NRCAM: variants seen among roughly 807,000 people sequenced by gnomAD.
NRCAM encodes neuronal cell adhesion molecule.
In NRCAM, 83 loss-of-function variants were observed where a neutral mutation model predicts 156.5. That is an observed-to-expected ratio of 0.53 (90% CI 0.44 to 0.64). NRCAM has a LOEUF of 0.64. Ranked by LOEUF, NRCAM falls within the 30% of genes least tolerant of loss-of-function variation. The pLI is 0.00. For missense variants in NRCAM, 1,417 were observed against 1,597.3 expected (o/e 0.89, Z 1.92); for synonymous variants, 538 against 563.9 (o/e 0.95, Z 0.65).
chr7:108,249,094 T>C (rs924896095), intron 3 of NRCAM, among the ~76,000 whole-genome samples: 1 of 152,192 alleles, frequency 6.6e-6, no homozygotes, highest in African/African-American at 2.4e-5. Flanking sequence ...CCTGAGCATG[T>C]GTGTTGGGGA....
intron 3 of NRCAM, among the ~76,000 whole-genome samples, chr7:108,259,520 T>C (rs1317679712): frequency 6.6e-6 from 1 of 152,142 alleles, no homozygotes; most frequent in Non-Finnish European, 1.5e-5. Context: ...TAGAAATCAT[T>C]CTATTATAAA....
chr7:108,194,598 AG>A (rs1481871985), intron 15 of NRCAM, among the ~76,000 whole-genome samples, 170 bp from the exon 16 acceptor site: 3 of 152,232 alleles, frequency 2.0e-5, no homozygotes, highest in African/African-American at 7.2e-5. Flanking sequence ...GAAGAAAAAA[AG>A]GCATGTATGT....
chr7:108,369,837 G>A (rs1442941068), intron 2 of NRCAM, among the ~76,000 whole-genome samples: 1 of 151,928 alleles, frequency 6.6e-6, no homozygotes, highest in Non-Finnish European at 1.5e-5. Flanking sequence ...TTATGCTTCA[G>A]GTACTTAGAA....
At chr7:108,391,862 G>A (rs562945731) in intron 2 of NRCAM, among the ~76,000 whole-genome samples, 6 of 152,108 alleles carry the variant, frequency 3.9e-5, no homozygotes, top group Non-Finnish European at 5.9e-5. Context: ...ATGAAATTCC[G>A]GGTTGAAAAT....
intron 11 of NRCAM, among the ~76,000 whole-genome samples, chr7:108,216,263 G>C (rs902541135): frequency 5.9e-5 from 9 of 152,156 alleles, no homozygotes; most frequent in Non-Finnish European, 1.3e-4. Flanking sequence ...GGCTTGTAGG[G>C]TTTCTGCCAA....
At chr7:108,157,724 A>G (rs2046396628) in intron 32 of NRCAM, among the ~76,000 whole-genome samples, 1 of 152,160 alleles carries the variant, frequency 6.6e-6, no homozygotes, top group African/African-American at 2.4e-5. Flanking sequence ...GGAAAGTCAC[A>G]TGACCTCAGA....
At chr7:108,180,800 T>C (rs191924742) in intron 24 of NRCAM, among the ~76,000 whole-genome samples, 40 of 152,376 alleles carry the variant, frequency 2.6e-4, no homozygotes, top group African/African-American at 9.1e-4. Context: ...AATGTTTACA[T>C]ATTTTTCCAG....
chr7:108,166,778 A>G, intron 30 of NRCAM, 143 bp downstream of exon 30: 2 of 606,672 alleles, frequency 3.3e-6, no homozygotes, highest in Non-Finnish European at 5.2e-6. Flanking sequence ...ACAAAAACCA[A>G]AACTCCCAAC....
intron 22 of NRCAM, among the ~76,000 whole-genome samples, chr7:108,183,184 C>T (rs761009093): frequency 4.1e-4 from 63 of 152,350 alleles, no homozygotes; most frequent in Non-Finnish European, 2.6e-4. Context: ...AACTCTGGCT[C>T]TACCGTCAAG....
At chr7:108,344,944 G>A (rs1167101310) in intron 2 of NRCAM, among the ~76,000 whole-genome samples, 1 of 152,136 alleles carries the variant, frequency 6.6e-6, no homozygotes, top group Non-Finnish European at 1.5e-5. Flanking sequence ...ATAAGGGGGA[G>A]GGAGAAGATA....
intron 7 of NRCAM, among the ~76,000 whole-genome samples, chr7:108,231,500 A>C (rs915490621): frequency 5.3e-5 from 8 of 151,956 alleles, no homozygotes; most frequent in African/African-American, 1.9e-4. Context: ...CTAAATAAAG[A>C]ATTACACATC....
At chr7:108,180,821 T>C (rs945156651) in intron 24 of NRCAM, among the ~76,000 whole-genome samples, 2 of 152,222 alleles carry the variant, frequency 1.3e-5, no homozygotes, top group East Asian at 3.8e-4. Flanking sequence ...AATTAATACA[T>C]GTTCACGTAC....
intron 12 of NRCAM, among the ~76,000 whole-genome samples, chr7:108,209,155 A>G (rs930635669): frequency 6.6e-6 from 1 of 152,164 alleles, no homozygotes; most frequent in Admixed American, 6.6e-5. Flanking sequence ...TCTAGTTATT[A>G]CTGTGGGATT....
intron 1 of NRCAM, among the ~76,000 whole-genome samples, chr7:108,444,769 G>A (rs1214370270): frequency 1.3e-5 from 2 of 152,166 alleles, no homozygotes; most frequent in Non-Finnish European, 2.9e-5. Context: ...TAAAGACCCT[G>A]TCTGCAAATA....
intron 2 of NRCAM, among the ~76,000 whole-genome samples, chr7:108,323,785 A>T (rs973023644): frequency 1.3e-5 from 2 of 152,120 alleles, no homozygotes; most frequent in African/African-American, 4.8e-5. Context: ...GTGAGAAAAT[A>T]GAGTGTGAAG....
At chr7:108,282,495 A>T (rs1269682) in intron 3 of NRCAM, among the ~76,000 whole-genome samples, 135,121 of 152,290 alleles carry the variant, frequency 0.89, 60,061 homozygotes, top group East Asian at 0.92. Flanking sequence ...TTATTTTTCT[A>T]TTTGGTACTT....
intron 2 of NRCAM, among the ~76,000 whole-genome samples, chr7:108,388,452 G>C (rs987823825): frequency 2.0e-5 from 3 of 152,150 alleles, no homozygotes; most frequent in Non-Finnish European, 2.9e-5. Flanking sequence ...GTAGATTCTG[G>C]ATATTAGCCC....
intron 10 of NRCAM, among the ~76,000 whole-genome samples, chr7:108,224,134 A>C (rs962935196): frequency 6.6e-6 from 1 of 152,292 alleles, no homozygotes; most frequent in South Asian, 2.1e-4. Flanking sequence ...TGTGGGTTAG[A>C]AAATTTTCAA....
In NRCAM at chr7:108,225,630, A is replaced by G. The variant is rs1405033863; in HGVS notation, c.778+15T>C. On this transcript the variant is annotated intron_variant, in intron 10 of 32. Transcript: ENST00000379028. ...AATGAAGGAGAGAATATCAGTTACAATCACCATAACTCACCACCATAAAAC... is the reference window on the plus strand; with the variant it reads ...AATGAAGGAGAGAATATCAGTTACAGTCACCATAACTCACCACCATAAAAC... The G allele has an allele frequency of 1.3e-6, 2 of 1,513,840 alleles. No homozygotes were observed. The highest frequency in any genetic ancestry group is 1.1e-5 in the South Asian group (1 of 89,152). The allele number at this position is 1,513,840 out of a possible 1,614,324, so 93.8% of individuals were successfully genotyped here. A position where few individuals can be genotyped will look rare whatever the true frequency, so the allele number is the denominator to read the frequency against.
Sources: gnomAD v4.1 joint callset for allele counts (sites outside exome capture counted in the v4.1 genomes callset) on GRCh38, gnomAD v4.1.1 for gene constraint, MANE v1.5 for transcripts, NCBI Gene and HGNC (gene_info 2026-07-23, HGNC 2026-07-21) for gene names.